The following SUGP2 variants were observed in gnomAD, a reference collection of about 807,000 sequenced individuals.
SUGP2 encodes the protein SURP and G-patch domain containing 2.
Under a neutral mutation model 90.5 loss-of-function variants are expected in SUGP2, and 24 were observed. The observed-to-expected ratio is 0.27, with a 90% CI of 0.19 to 0.37. The LOEUF (loss-of-function observed/expected upper bound fraction) is 0.37. Among genes scored for constraint, SUGP2 ranks in the 10% least tolerant of loss-of-function variants. SUGP2 has a pLI of 1.00. For missense variants in SUGP2, 1,233 were observed against 1,363.3 expected (o/e 0.90, Z 1.51); for synonymous variants, 473 against 513.4 (o/e 0.92, Z 1.06).
At chr19:19,007,722 C>CGG (rs1255655775) in intron 6 of SUGP2, among the ~76,000 whole-genome samples, 1 of 140,294 alleles carries the variant, frequency 7.1e-6, no homozygotes, top group Non-Finnish European at 1.5e-5. Context: ...TCCCAAAGTG[C>CGG]GGGGATTACA....
At chr19:19,029,879 G>A (rs1375487996) in intron 2 of SUGP2, among the ~76,000 whole-genome samples, 1 of 151,904 alleles carries the variant, frequency 6.6e-6, no homozygotes, top group African/African-American at 2.4e-5. Flanking sequence ...GGAGGCACAG[G>A]CCGCAGTGAG....
chr19:19,019,379 A>C lies in SUGP2; in HGVS notation c.1730-150T>G, dbSNP rs957897953. ...TTCACAAGACACCAGCATTGAAAAG[A>C]GGAAAACAACCAATATGGAAAATCT... On this transcript the variant is annotated intron_variant, in intron 3 of 10. Coordinates refer to ENST00000452918, the MANE Select transcript of SUGP2 (RefSeq NM_001017392.5). 10 of 857,172 alleles carry C rather than the reference A, an allele frequency of 1.2e-5. No individual in the cohort carries two copies. The African/African-American group carries it at 1.7e-4, about 15-fold the overall frequency. The allele number at this position is 857,172 out of a possible 1,614,324, so 53.1% of individuals were successfully genotyped here.
chr19:19,033,473 G>T lies in SUGP2; in HGVS notation c.-48C>A. 3 of 1,406,266 alleles carry T rather than the reference G, an allele frequency of 2.1e-6. No individual in the cohort carries two copies. The highest frequency in any genetic ancestry group is 2.8e-5 in the Admixed American group (1 of 35,952). 87.1% of individuals were successfully genotyped at this position (1,406,266 alleles called of 1,614,324 possible). A position where few individuals can be genotyped will look rare whatever the true frequency, so the allele number is the denominator to read the frequency against. On this transcript the variant is annotated 5_prime_UTR_variant, in exon 1 of 11. Transcript: ENST00000452918. ...CGCGCGCGGAGCCACCCCCGCCGCCGCCTCAGGCTCCTCACCCGCCGCCGC... is the reference window on the plus strand; with the variant it reads ...CGCGCGCGGAGCCACCCCCGCCGCCTCCTCAGGCTCCTCACCCGCCGCCGC...
intron 10 of SUGP2, 94 bp downstream of exon 10, chr19:18,994,272 G>A: frequency 6.6e-7 from 1 of 1,517,470 alleles, no homozygotes; most frequent in Non-Finnish European, 9.0e-7. Context: ...ATTTTTGGGG[G>A]AGCAGGGAAC....
intron 8 of SUGP2, 82 bp from the exon 9 acceptor site, chr19:18,995,362 C>T (rs968693778): frequency 1.4e-5 from 20 of 1,439,216 alleles, no homozygotes; most frequent in Admixed American, 1.1e-4. Context: ...TGCCTGGAGC[C>T]CCTCACCCCC....
intron 2 of SUGP2, 88 bp from the exon 3 acceptor site, chr19:19,026,314 G>A (rs183614182): frequency 1.1e-4 from 150 of 1,339,656 alleles, no homozygotes; most frequent in East Asian, 4.8e-4. Flanking sequence ...AACAGTCCAC[G>A]GATCACCAGG....
In SUGP2 at chr19:19,010,227, A is replaced by G; in HGVS notation, c.1966T>C (p.Cys656Arg). 2 of 1,614,086 alleles carry G rather than the reference A, an allele frequency of 1.2e-6. No individual in the cohort carries two copies. Among genetic ancestry groups the G allele is most frequent in the African/African-American group, 2.7e-5 (2 of 75,034 alleles). ...GADQKPTSAD[C>R]AVRAMLYSRA... ...GAGTACAGCATGGCCCTCACTGCAC[A>G]GTCTGCTGAGGTCGGCTTCTGGTCG... The change falls in exon 5 of 11, where the codon TGT becomes CGT. Residue 656 changes from cysteine (C) to arginine (R), a missense_variant. Transcript: ENST00000452918.
At chr19:18,999,519 C>G (rs2057747558) in intron 8 of SUGP2, among the ~76,000 whole-genome samples, 1 of 152,208 alleles carries the variant, frequency 6.6e-6, no homozygotes, top group Non-Finnish European at 1.5e-5. Flanking sequence ...GTGCCCTCAT[C>G]TGGCCGTGCC....
In SUGP2 at chr19:19,008,376, C is replaced by A. The variant is rs535432816; in HGVS notation, c.2391G>T (p.Gln797His). The A allele has an allele frequency of 6.8e-6, 11 of 1,614,194 alleles. No homozygotes were observed. The South Asian group carries it at 1.1e-4, about 16-fold the overall frequency. ...TAEKLARFVAQVGPEIEQFSI... is the reference protein window; with the variant it reads ...TAEKLARFVAHVGPEIEQFSI... ...TGAATTGTTCGATCTCTGGTCCCAC[C>A]TGAGCAACAAATCTAGCCAGTTTCT... The change falls in exon 6 of 11, where the codon CAG (glutamine) becomes CAT (histidine). Residue 797 changes from glutamine (Q) to histidine (H), a missense_variant. By Grantham distance (24) the Gln-to-His change is conservative. Coordinates refer to ENST00000452918, the MANE Select transcript of SUGP2 (RefSeq NM_001017392.5).
Position 19,025,525 on chromosome 19 carries a change from T to C in SUGP2, c.823A>G (p.Thr275Ala), listed in dbSNP as rs771946545. 8.1e-6 allele frequency: 13 copies of C among 1,613,776 alleles called. No individual in the cohort carries two copies. The highest frequency in any genetic ancestry group is 2.5e-6 in the Non-Finnish European group (3 of 1,179,976). The change falls in exon 3 of 11, where the codon ACT becomes GCT. Residue 275 changes from threonine to alanine, a missense_variant. Thr to Ala is a moderately conservative substitution (Grantham distance 58). Coordinates refer to ENST00000452918, the MANE Select transcript of SUGP2 (RefSeq NM_001017392.5). ...TQGTNQIQKN[T>A]PSPDVTLGTN... The stretch of plus-strand genomic sequence containing the variant: ...CCCAGGGTCACATCAGGACTTGGAG[T>C]GTTTTTCTGGATTTGGTTAGTGCCC...
intron 4 of SUGP2, among the ~76,000 whole-genome samples, chr19:19,015,541 G>T (rs1238288847): frequency 1.3e-5 from 2 of 151,952 alleles, no homozygotes; most frequent in East Asian, 3.9e-4. Context: ...ATGCTCCGTT[G>T]TACCCAGGCT....
chr19:19,033,516 A>G lies in SUGP2; in HGVS notation c.-91T>C. 1 of 1,401,994 alleles carries G rather than the reference A, an allele frequency of 7.1e-7. No homozygotes were observed. The highest frequency in any genetic ancestry group is 9.3e-7 in the Non-Finnish European group (1 of 1,076,942). 86.8% of individuals were successfully genotyped at this position (1,401,994 alleles called of 1,614,324 possible). A position where few individuals can be genotyped will look rare whatever the true frequency, so the allele number is the denominator to read the frequency against. On this transcript the variant is annotated 5_prime_UTR_variant, in exon 1 of 11. Transcript: ENST00000452918. The stretch of plus-strand genomic sequence containing the variant: ...GCCGCCGCCGCCGCGCGAGGCGGGG[A>G]CATGCAAATGAACCAACGGTCTCCG...
intron 6 of SUGP2, among the ~76,000 whole-genome samples, chr19:19,006,814 C>A (rs1057325757): frequency 3.3e-5 from 5 of 152,320 alleles, no homozygotes; most frequent in Admixed American, 3.3e-4. Flanking sequence ...CAGTGCCCCA[C>A]AAGGCAGGTG....
intron 5 of SUGP2, among the ~76,000 whole-genome samples, chr19:19,008,975 G>A (rs914223781): frequency 6.6e-6 from 1 of 152,106 alleles, no homozygotes; most frequent in Non-Finnish European, 1.5e-5. Flanking sequence ...GCAGTGGTGA[G>A]ATCTTGGCTC....
chr19:19,022,685 C>T (rs1274281975), intron 3 of SUGP2, among the ~76,000 whole-genome samples: 1 of 152,124 alleles, frequency 6.6e-6, no homozygotes, highest in Non-Finnish European at 1.5e-5. Flanking sequence ...TTTCTTCCTT[C>T]ATACAGTATG....
At chr19:18,996,318 C>T (rs139899227) in intron 8 of SUGP2, among the ~76,000 whole-genome samples, 40 of 152,296 alleles carry the variant, frequency 2.6e-4, no homozygotes, top group African/African-American at 9.1e-4. Context: ...ATCGCCTGAA[C>T]CTGGGAGGCA....
Position 19,025,789 on chromosome 19 carries a change from C to G in SUGP2, c.559G>C (p.Glu187Gln). The change falls in exon 3 of 11, where the codon GAG becomes CAG. Residue 187 changes from glutamate (E) to glutamine (Q), a missense_variant. By Grantham distance (29) the Glu-to-Gln change is conservative. This residue lies in a region of SUGP2 where 418 missense variants were observed against 399.9 expected (regional missense o/e 1.05). Coordinates refer to ENST00000452918, the MANE Select transcript of SUGP2 (RefSeq NM_001017392.5). ...TGGTCCACGTCATAATCCCGACTCT[C>G]CTTCTCCAAACACTCTTTCTCAATC... ...RLIEKECLEK[E>Q]SRDYDVDHPG... 3 of 1,613,996 alleles carry G rather than the reference C, an allele frequency of 1.9e-6. No individual in the cohort carries two copies.
chr19:19,006,984 G>T (rs2058099694), intron 6 of SUGP2, among the ~76,000 whole-genome samples: 3 of 152,222 alleles, frequency 2.0e-5, no homozygotes, highest in Non-Finnish European at 1.5e-5. Flanking sequence ...AATTTTAACT[G>T]GATGAAGGCA....
chr19:19,030,998 T>C lies in SUGP2; in HGVS notation c.74A>G (p.Asp25Gly). 3 of 1,613,932 alleles carry C rather than the reference T, an allele frequency of 1.9e-6. No individual in the cohort carries two copies. Among genetic ancestry groups the C allele is most frequent in the South Asian group, 1.1e-5 (1 of 91,024 alleles). The change falls in exon 2 of 11, where the codon GAT becomes GGT. Residue 25 changes from aspartate to glycine, a missense_variant. Physicochemically the swap from Asp to Gly is moderately conservative, Grantham distance 94 (BLOSUM62 -1). This residue lies in a region of SUGP2 where 418 missense variants were observed against 399.9 expected (regional missense o/e 1.05). Coordinates refer to ENST00000452918, the MANE Select transcript of SUGP2 (RefSeq NM_001017392.5). ...TTCGCTTACAGCCTCACCACTGGCA[T>C]CCATGTGATATCGTTTGGCTTTTTC... ...LQEKAKRYHM[D>G]ASGEAVSETL... is the part of the protein sequence containing the mutation.
Sources: gnomAD v4.1 joint callset for allele counts (sites outside exome capture counted in the v4.1 genomes callset) on GRCh38, gnomAD v4.1.1 for gene constraint, gnomAD v4.1.1 regional missense constraint, MANE v1.5 for transcripts, NCBI Gene and HGNC (gene_info 2026-07-23, HGNC 2026-07-21) for gene names.